Variants in PPP2R2B observed in about 807,000 individuals in gnomAD.
PPP2R2B encodes protein phosphatase 2 regulatory subunit Bbeta.
Under a neutral mutation model 46.0 loss-of-function variants are expected in PPP2R2B, and 5 were observed. The observed-to-expected ratio is 0.11, with a 90% CI of 0.06 to 0.23. PPP2R2B has a LOEUF of 0.23. Ranked by LOEUF, PPP2R2B falls within the 10% of genes least tolerant of loss-of-function variation. PPP2R2B has a pLI of 1.00. For synonymous variants in PPP2R2B, 215 were observed against 206.7 expected (o/e 1.04, Z -0.34); for missense variants, 367 against 575.0 (o/e 0.64, Z 3.70).
Position 146,768,866 on chromosome 5 carries a change from G to A in PPP2R2B, c.71-67724C>T, listed in dbSNP as rs528463145. ...CAGGTGTCAGCTTAACTATCTTATCGTCAGGCAAAGATTTGTTGTTACTTT... is the reference window on the plus strand; with the variant it reads ...CAGGTGTCAGCTTAACTATCTTATCATCAGGCAAAGATTTGTTGTTACTTT... On this transcript the variant is annotated intron_variant, in intron 2 of 9. Coordinates refer to ENST00000394411, the MANE Select transcript of PPP2R2B (RefSeq NM_181675.4). Among the ~76,000 whole-genome samples the A allele has an allele frequency of 2.6e-3, 394 of 149,276 alleles. 4 individuals carry two copies. The highest frequency in any genetic ancestry group is 8.5e-3 in the African/African-American group (347 of 40,962).
At chr5:146,706,048 G>A (rs1397307605) in intron 2 of PPP2R2B, among the ~76,000 whole-genome samples, 1 of 152,078 alleles carries the variant, frequency 6.6e-6, no homozygotes, top group African/African-American at 2.4e-5. Context: ...GCAAGGGGCG[G>A]GGGTCCCCAG....
At chr5:147,077,692 C>G (rs1580892704) in intron 2 of PPP2R2B, among the ~76,000 whole-genome samples, 1 of 152,122 alleles carries the variant, frequency 6.6e-6, no homozygotes, top group South Asian at 2.1e-4. Context: ...CAGGGAACCT[C>G]CATGCCAGTG....
Position 146,763,485 on chromosome 5 carries a change from A to T in PPP2R2B, c.71-62343T>A, listed in dbSNP as rs896846660. Among the ~76,000 whole-genome samples, 4 of 152,150 alleles carry T rather than the reference A, an allele frequency of 2.6e-5. No individual in the cohort carries two copies. The East Asian group carries it at 7.7e-4, about 29-fold the overall frequency. On this transcript the variant is annotated intron_variant, in intron 2 of 9. Coordinates refer to ENST00000394411, the MANE Select transcript of PPP2R2B (RefSeq NM_181675.4). Reference sequence around the variant, plus strand: ...AATTCAGTAAGCATTAATGCATGTGACATACCCAACACACGAACTGACTCT... The same window carrying T: ...AATTCAGTAAGCATTAATGCATGTGTCATACCCAACACACGAACTGACTCT...
chr5:147,035,076 GA>G, intron 1 of PPP2R2B: 1 of 455,306 alleles, frequency 2.2e-6, no homozygotes, highest in South Asian at 1.6e-5. Context: ...ATCATTCCCA[GA>G]AGGAAGGTGC....
intron 4 of PPP2R2B, among the ~76,000 whole-genome samples, chr5:146,695,613 T>C (rs1298118603): frequency 6.6e-6 from 1 of 152,192 alleles, no homozygotes; most frequent in African/African-American, 2.4e-5. Context: ...TTCTTGACTT[T>C]ATTATCACAC....
At chr5:146,772,273 G>A (rs1754903650) in intron 2 of PPP2R2B, among the ~76,000 whole-genome samples, 2 of 151,742 alleles carry the variant, frequency 1.3e-5, no homozygotes, top group South Asian at 4.2e-4. Context: ...TTTAGGGAGT[G>A]GGGATAAAGT....
At chr5:146,799,352 T>C (rs1756726049) in intron 2 of PPP2R2B, among the ~76,000 whole-genome samples, 1 of 152,190 alleles carries the variant, frequency 6.6e-6, no homozygotes, top group Non-Finnish European at 1.5e-5. Context: ...CTATTTACTT[T>C]TGGTTAAATG....
Position 146,616,360 on chromosome 5 carries a change from G to A in PPP2R2B, c.791-15900C>T, listed in dbSNP as rs535558059. ...CTTGAGGGATACCCCGCAAGCACAA[G>A]CAACCAAAGCAAAAATGAACAAATG... On this transcript the variant is annotated intron_variant, in intron 7 of 9. Coordinates refer to ENST00000394411, the MANE Select transcript of PPP2R2B (RefSeq NM_181675.4). 5.3e-4 allele frequency among the ~76,000 whole-genome samples: 80 copies of A among 152,244 alleles called. No homozygotes were observed. In the South Asian group the frequency reaches 0.016, roughly 31 times the overall value.
intron 5 of PPP2R2B, among the ~76,000 whole-genome samples, chr5:146,660,148 G>A (rs1776584622): frequency 6.6e-6 from 1 of 152,120 alleles, no homozygotes; most frequent in East Asian, 1.9e-4. Context: ...AAAGCAACCT[G>A]GGGGGCAGAG....
In PPP2R2B at chr5:146,653,986, G is replaced by A. The variant is rs577305375; in HGVS notation, c.448-3262C>T. 2.7e-4 allele frequency among the ~76,000 whole-genome samples: 41 copies of A among 152,278 alleles called. 1 individual carries two copies. In the South Asian group the frequency reaches 6.2e-3, roughly 23 times the overall value. ...TGGTTCAAGCAGGACACGATGGACC[G>A]ATTAGGAAACCACATTGCGACTGTG... is the stretch of plus-strand genomic sequence containing the variant. On this transcript the variant is annotated intron_variant, in intron 5 of 9. Transcript: ENST00000394411.
chr5:146,815,070 T>C (rs436932), intron 2 of PPP2R2B, among the ~76,000 whole-genome samples: 129,129 of 152,164 alleles, frequency 0.85, 54,883 homozygotes, highest in East Asian at 0.92. Context: ...GAAGGAGACA[T>C]GGAAGCCATC....
intron 5 of PPP2R2B, among the ~76,000 whole-genome samples, chr5:146,653,728 T>G (rs1561806384): frequency 6.6e-6 from 1 of 152,180 alleles, no homozygotes. Flanking sequence ...TTCAGCTTAA[T>G]GTGATGGGCC....
intron 2 of PPP2R2B, among the ~76,000 whole-genome samples, chr5:146,777,829 A>G (rs1259523261): frequency 6.6e-6 from 1 of 152,196 alleles, no homozygotes; most frequent in African/African-American, 2.4e-5. Flanking sequence ...GTAATTGGTT[A>G]AATTGTTTGT....
rs182783844 is a variant in PPP2R2B, at chr5:146,623,527, T to G, written c.790+14724A>C. ...TCATTGCTTTGTTTGATTTCAGTCTTTTTCCTAAGCTTGATGATTCTATTT... is the reference window on the plus strand; with the variant it reads ...TCATTGCTTTGTTTGATTTCAGTCTGTTTCCTAAGCTTGATGATTCTATTT... On this transcript the variant is annotated intron_variant, in intron 7 of 9. Transcript: ENST00000394411. Among the ~76,000 whole-genome samples, 3 of 152,372 alleles carry G rather than the reference T, an allele frequency of 2.0e-5. No homozygotes were observed. The East Asian group carries it at 5.8e-4, about 29-fold the overall frequency.
chr5:146,790,533 G>T (rs781432615), intron 2 of PPP2R2B, among the ~76,000 whole-genome samples: 1 of 152,104 alleles, frequency 6.6e-6, no homozygotes, highest in African/African-American at 2.4e-5. Flanking sequence ...GCTTAATTAC[G>T]CCAGCAAGGC....
upstream of PPP2R2B, among the ~76,000 whole-genome samples, chr5:146,881,288 C>T (rs537176530): frequency 1.5e-4 from 23 of 152,270 alleles, 1 homozygote; most frequent in South Asian, 3.9e-3. Context: ...TCCTGACTTC[C>T]GGTGTTTTCT....
At chr5:146,784,900 C>A (rs533338674) in intron 2 of PPP2R2B, among the ~76,000 whole-genome samples, 3 of 152,118 alleles carry the variant, frequency 2.0e-5, no homozygotes, top group African/African-American at 7.2e-5. Context: ...AAGTTAGATA[C>A]CAATTTACAA....
At chr5:147,010,463 G>C (rs1432914282) in intron 1 of PPP2R2B, among the ~76,000 whole-genome samples, 2 of 152,140 alleles carry the variant, frequency 1.3e-5, no homozygotes, top group African/African-American at 4.8e-5. Flanking sequence ...CCTTCAACTA[G>C]ATGGTCCCAT....
intron 1 of PPP2R2B, among the ~76,000 whole-genome samples, chr5:146,898,184 T>G (rs1024364034): frequency 6.6e-6 from 1 of 152,150 alleles, no homozygotes; most frequent in Non-Finnish European, 1.5e-5. Flanking sequence ...AGACTCCATC[T>G]CAAAAAAACA....
Sources: allele counts gnomAD v4.1 joint callset (sites outside exome capture counted in the v4.1 genomes callset), GRCh38; gene constraint gnomAD v4.1.1; transcripts MANE v1.5; gene names NCBI Gene and HGNC (gene_info 2026-07-23, HGNC 2026-07-21).